Variants in CAMK1D observed in about 807,000 individuals in gnomAD.
The protein encoded by CAMK1D is calcium/calmodulin dependent protein kinase ID.
CAMK1D carries 9 observed loss-of-function variants against 47.7 expected under a neutral mutation model. The ratio of observed to expected loss-of-function variants is 0.19; its 90% CI spans 0.11 to 0.33. The LOEUF (loss-of-function observed/expected upper bound fraction) is 0.33, where lower values mean the gene tolerates loss of function less well. Among genes scored for constraint, CAMK1D ranks in the 10% least tolerant of loss-of-function variants. CAMK1D has a pLI of 1.00. For missense variants in CAMK1D, 291 were observed against 488.7 expected (o/e 0.60, Z 3.81); for synonymous variants, 184 against 184.9 (o/e 0.99, Z 0.04).
At chr10:12,730,000 C>T (rs1044954770) in intron 3 of CAMK1D, among the ~76,000 whole-genome samples, 6 of 152,126 alleles carry the variant, frequency 3.9e-5, no homozygotes, top group South Asian at 4.1e-4. Flanking sequence ...GATGCAGAGC[C>T]GCTGGGAGAT....
intron 1 of CAMK1D, among the ~76,000 whole-genome samples, chr10:12,387,199 A>G (rs1169939169): frequency 2.7e-5 from 4 of 146,710 alleles, no homozygotes; most frequent in Non-Finnish European, 6.0e-5. Flanking sequence ...GAGAGACTCC[A>G]TCTCAAAAAA....
chr10:12,452,822 C>T (rs1445560825), intron 1 of CAMK1D, among the ~76,000 whole-genome samples: 1 of 152,030 alleles, frequency 6.6e-6, no homozygotes, highest in Non-Finnish European at 1.5e-5. Flanking sequence ...CCGCCTTGGC[C>T]TCTCAAAGTG....
At chr10:12,686,649 A>G (rs771227649) in intron 3 of CAMK1D, among the ~76,000 whole-genome samples, 1 of 152,096 alleles carries the variant, frequency 6.6e-6, no homozygotes, top group African/African-American at 2.4e-5. Context: ...TATGGCTTAA[A>G]ACAGAGTTAT....
intron 3 of CAMK1D, among the ~76,000 whole-genome samples, chr10:12,751,106 GATA>G (rs1466539687): frequency 1.1e-5 from 1 of 90,498 alleles, no homozygotes; most frequent in East Asian, 3.5e-4. Flanking sequence ...GATAAGATAA[GATA>G]AGATAAGATA....
At chr10:12,647,767 C>T (rs1423330082) in intron 2 of CAMK1D, among the ~76,000 whole-genome samples, 1 of 152,196 alleles carries the variant, frequency 6.6e-6, no homozygotes. Context: ...CATCTTTCCA[C>T]CCAATGCTTG....
intron 1 of CAMK1D, among the ~76,000 whole-genome samples, chr10:12,472,081 T>C (rs940221558): frequency 2.0e-5 from 3 of 151,792 alleles, no homozygotes; most frequent in Non-Finnish European, 2.9e-5. Flanking sequence ...AAGGAAAAGC[T>C]GTCTCTGAGT....
chr10:12,647,915 T>C (rs12780223), intron 2 of CAMK1D, among the ~76,000 whole-genome samples: 59,460 of 152,054 alleles, frequency 0.39, 14,591 homozygotes, highest in Non-Finnish European at 0.52. Flanking sequence ...GGGATGTCCT[T>C]AGGCCAAGGC....
rs373695852 is a variant in CAMK1D at position 12,442,480 on chromosome 10, C to T, written c.92+92570C>T. The stretch of plus-strand genomic sequence containing the variant: ...TGGGTGACAGAGAGAGGCTGTGTCT[C>T]AAAAACAAGCAAACAAAAAAACTTT... On this transcript the variant is annotated intron_variant, in intron 1 of 10. Coordinates refer to ENST00000619168, the MANE Select transcript of CAMK1D (RefSeq NM_153498.4). Among the ~76,000 whole-genome samples, 4 of 152,066 alleles carry T rather than the reference C, an allele frequency of 2.6e-5. No individual in the cohort carries two copies. In the East Asian group the frequency reaches 5.8e-4, roughly 22 times the overall value.
At chr10:12,475,169 C>T (rs1481833056) in intron 1 of CAMK1D, among the ~76,000 whole-genome samples, 1 of 152,074 alleles carries the variant, frequency 6.6e-6, no homozygotes, top group African/African-American at 2.4e-5. Context: ...ATGTGCAGTT[C>T]GGTGGCATTG....
intron 1 of CAMK1D, among the ~76,000 whole-genome samples, chr10:12,390,585 A>G (rs1838687507): frequency 6.6e-6 from 1 of 152,214 alleles, no homozygotes; most frequent in South Asian, 2.1e-4. Context: ...AATAGGGTCC[A>G]TTGTGCCCAG....
At chr10:12,735,410 G>A (rs370728989) in intron 3 of CAMK1D, among the ~76,000 whole-genome samples, 9 of 152,300 alleles carry the variant, frequency 5.9e-5, no homozygotes, top group Non-Finnish European at 1.0e-4. Context: ...CCCGGGAGGC[G>A]GAGCCTGCAG....
chr10:12,527,786 C>T (rs1270205442), intron 1 of CAMK1D, among the ~76,000 whole-genome samples: 1 of 152,208 alleles, frequency 6.6e-6, no homozygotes, highest in East Asian at 1.9e-4. Flanking sequence ...CTCTCTGATA[C>T]TGTTTTCTTT....
chr10:12,553,901 C>T (rs1404242216), intron 2 of CAMK1D, among the ~76,000 whole-genome samples: 1 of 152,178 alleles, frequency 6.6e-6, no homozygotes, highest in Non-Finnish European at 1.5e-5. Flanking sequence ...AGCCTTGCAG[C>T]TCCTATGTGG....
rs565306106 is a variant in CAMK1D at position 12,712,291 on chromosome 10, A to G, written c.299+45481A>G. ...GTGTTGCAGGTTCAGGAATGTCAGG[A>G]TGCAGCCCTGTGTCTAGAGTACTCA... On this transcript the variant is annotated intron_variant, in intron 3 of 10. Coordinates refer to ENST00000619168, the MANE Select transcript of CAMK1D (RefSeq NM_153498.4). 3.9e-5 allele frequency among the ~76,000 whole-genome samples: 6 copies of G among 152,298 alleles called. No homozygotes were observed. The East Asian group carries it at 7.7e-4, about 20-fold the overall frequency.
At position 12,505,292 on chromosome 10, in the gene CAMK1D, G is replaced by A. The variant is rs140643201; in HGVS notation, c.93-47933G>A. Among the ~76,000 whole-genome samples, 5 of 152,310 alleles carry A rather than the reference G, an allele frequency of 3.3e-5. No individual in the cohort carries two copies. In the East Asian group the frequency reaches 9.6e-4, roughly 29 times the overall value. ...TCTTCAAGAATTGCACTTGTTTGTA[G>A]GTAGAGGAGCTTGTTGACCTCTTTT... On this transcript the variant is annotated intron_variant, in intron 1 of 10. Coordinates refer to ENST00000619168, the MANE Select transcript of CAMK1D (RefSeq NM_153498.4).
At chr10:12,694,593 ATATAT>A (rs1833181800) in intron 3 of CAMK1D, among the ~76,000 whole-genome samples, 1 of 85,742 alleles carries the variant, frequency 1.2e-5, no homozygotes, top group African/African-American at 4.5e-5. Flanking sequence ...TCATATATAA[ATATAT>A]AATATATAAA....
At chr10:12,366,962 T>C (rs1837855074) in intron 1 of CAMK1D, among the ~76,000 whole-genome samples, 1 of 152,136 alleles carries the variant, frequency 6.6e-6, no homozygotes, top group Non-Finnish European at 1.5e-5. Flanking sequence ...TTGGCAGTGA[T>C]GGTGGTGATG....
chr10:12,624,552 T>A lies in CAMK1D; in HGVS notation c.225-42184T>A, dbSNP rs545689668. On this transcript the variant is annotated intron_variant, in intron 2 of 10. Coordinates refer to ENST00000619168, the MANE Select transcript of CAMK1D (RefSeq NM_153498.4). ...ACTCAGATGATGTCTTCAAGGTTCA[T>A]CCATGTTGTCACCCTGCAGAATTTC... Among the ~76,000 whole-genome samples, 13 of 152,302 alleles carry A rather than the reference T, an allele frequency of 8.5e-5. No individual in the cohort carries two copies. In the East Asian group the frequency reaches 2.3e-3, roughly 27 times the overall value.
At chr10:12,661,774 G>A (rs1840281292) in intron 2 of CAMK1D, among the ~76,000 whole-genome samples, 1 of 152,228 alleles carries the variant, frequency 6.6e-6, no homozygotes, top group Non-Finnish European at 1.5e-5. Flanking sequence ...GAGATCTATA[G>A]ACTGGAAAGC....
Sources: gnomAD v4.1 joint callset for allele counts (sites outside exome capture counted in the v4.1 genomes callset) on GRCh38, gnomAD v4.1.1 for gene constraint, MANE v1.5 for transcripts, NCBI Gene and HGNC (gene_info 2026-07-23, HGNC 2026-07-21) for gene names.